The following KLHDC1 variants were observed in gnomAD, a reference collection of about 807,000 sequenced individuals.
KLHDC1 encodes the protein kelch domain containing 1.
Under a neutral mutation model 68.3 loss-of-function variants are expected in KLHDC1, and 53 were observed. That is an observed-to-expected ratio of 0.78 (90% confidence interval 0.62 to 0.98). The LOEUF (loss-of-function observed/expected upper bound fraction) is 0.98, where lower values mean the gene tolerates loss of function less well. Among genes scored for constraint, KLHDC1 ranks in the 50% least tolerant of loss-of-function variants. The probability of loss-of-function intolerance (pLI) is 0.00; values close to 1 mark genes in which losing one functional copy is unlikely to be tolerated. For missense variants in KLHDC1, 470 were observed against 492.3 expected, an observed-to-expected ratio of 0.95 and a Z score of 0.43; for synonymous variants, 148 against 159.0, an observed-to-expected ratio of 0.93 and a Z score of 0.52.
chr14:49,713,823 TATATATATATATATATA>T (rs1566602817), intron 4 of KLHDC1, among the ~76,000 whole-genome samples: 118 of 3,794 alleles, frequency 0.031, 7 homozygotes, highest in African/African-American at 0.047. Context: ...TATATATATA[TATATATATATATATATA>T]TATATATATA....
intron 10 of KLHDC1, among the ~76,000 whole-genome samples, chr14:49,739,081 G>A (rs1889000910): frequency 6.6e-6 from 1 of 152,202 alleles, no homozygotes; most frequent in Non-Finnish European, 1.5e-5. Context: ...AACATTAAAG[G>A]GTGCTGAATA....
chr14:49,734,093 T>C (rs1217342485), intron 9 of KLHDC1, among the ~76,000 whole-genome samples: 7 of 152,236 alleles, frequency 4.6e-5, no homozygotes, highest in African/African-American at 1.7e-4. Context: ...TTTTCTGTTT[T>C]TGGTCATTGA....
chr14:49,739,555 G>T (rs1889010037), intron 10 of KLHDC1, among the ~76,000 whole-genome samples: 1 of 152,210 alleles, frequency 6.6e-6, no homozygotes, highest in Non-Finnish European at 1.5e-5. Context: ...AATTGGATTT[G>T]TTGGGTGATG....
chr14:49,716,584 A>G (rs1011057660), intron 4 of KLHDC1, among the ~76,000 whole-genome samples: 5 of 152,056 alleles, frequency 3.3e-5, no homozygotes, highest in South Asian at 4.2e-4. Flanking sequence ...GGGTTTCACC[A>G]TGTTGGCCAG....
At chr14:49,735,045 A>G (rs577035679) in intron 10 of KLHDC1, among the ~76,000 whole-genome samples, 2 of 152,218 alleles carry the variant, frequency 1.3e-5, no homozygotes, top group African/African-American at 4.8e-5. Context: ...GAAGAGGTTT[A>G]AAGCAAGTTA....
chr14:49,711,110 A>G (rs953903204), intron 4 of KLHDC1, among the ~76,000 whole-genome samples: 7 of 152,208 alleles, frequency 4.6e-5, no homozygotes, highest in Non-Finnish European at 1.0e-4. Context: ...CTCTGGCCTC[A>G]GCCTCCTGAG....
At chr14:49,729,150 AT>A in intron 7 of KLHDC1, 141 bp downstream of exon 7, 4 of 635,138 alleles carry the variant, frequency 6.3e-6, no homozygotes, top group Non-Finnish European at 1.1e-5. Flanking sequence ...TTATCTTCTA[AT>A]TCATAAACAG....
intron 1 of KLHDC1, chr14:49,708,791 C>G (rs1388263569): frequency 6.5e-6 from 1 of 154,698 alleles, no homozygotes; most frequent in Non-Finnish European, 1.4e-5. Context: ...AATGTATTGT[C>G]CTTTTTTTTA....
At chr14:49,708,649 C>T (rs1264206004) in intron 1 of KLHDC1, 1 of 152,472 alleles carries the variant, frequency 6.6e-6, no homozygotes, top group African/African-American at 2.4e-5. Flanking sequence ...TAATGAACAA[C>T]TAATACTATG....
intron 11 of KLHDC1, among the ~76,000 whole-genome samples, chr14:49,742,396 G>A (rs946697745): frequency 1.3e-5 from 2 of 151,514 alleles, no homozygotes; most frequent in Non-Finnish European, 2.9e-5. Context: ...AGGGCTGGGC[G>A]TGGTGGCTCA....
At chr14:49,709,308 C>A (rs1334593759) in intron 2 of KLHDC1, 79 bp downstream of exon 2, 3 of 654,002 alleles carry the variant, frequency 4.6e-6, no homozygotes, top group Non-Finnish European at 7.9e-6. Context: ...GAATTTGAGA[C>A]CATACTTTGA....
intron 1 of KLHDC1, among the ~76,000 whole-genome samples, chr14:49,706,480 C>T (rs1888053591): frequency 6.6e-6 from 1 of 152,184 alleles, no homozygotes; most frequent in Non-Finnish European, 1.5e-5. Flanking sequence ...GATTTCCTTT[C>T]TTTCGCATAT....
At chr14:49,703,636 C>A (rs542516580) in intron 1 of KLHDC1, among the ~76,000 whole-genome samples, 17 of 152,308 alleles carry the variant, frequency 1.1e-4, no homozygotes, top group Non-Finnish European at 2.2e-4. Flanking sequence ...AGCTCAGCCT[C>A]TTCCATGAAT....
At chr14:49,698,220 CT>C (rs1443101855) in intron 1 of KLHDC1, among the ~76,000 whole-genome samples, 1 of 152,150 alleles carries the variant, frequency 6.6e-6, no homozygotes, top group African/African-American at 2.4e-5. Context: ...TATTTTTCCC[CT>C]GAGACGGAGT....
chr14:49,747,028 G>C (rs1290027765), intron 12 of KLHDC1, among the ~76,000 whole-genome samples: 1 of 149,514 alleles, frequency 6.7e-6, no homozygotes, highest in Non-Finnish European at 1.5e-5. Flanking sequence ...CTCACTGCAA[G>C]CTCCACCTCC....
Position 49,734,647 on chromosome 14 carries a change from T to C in KLHDC1, c.882T>C (p.Pro294=). The C allele has an allele frequency of 6.3e-7, 1 of 1,586,918 alleles. No individual in the cohort carries two copies. Among genetic ancestry groups the C allele is most frequent in the Admixed American group, 1.7e-5 (1 of 58,412 alleles). Residue 294 remains proline (P), a synonymous_variant, in exon 10 of 13, where the codon CCT becomes CCC. Transcript: ENST00000359332. ...GTTGGAAACAACTTACACATTTACC[T>C]AAAACAAGACCTAGGTAAGTCAAGA... The part of the protein sequence containing the change: ...TNCWKQLTHL[P]KTRPRLWHTA...
intron 12 of KLHDC1, among the ~76,000 whole-genome samples, chr14:49,749,571 G>A (rs1889277860): frequency 1.3e-5 from 2 of 151,556 alleles, no homozygotes; most frequent in African/African-American, 4.9e-5. Flanking sequence ...CCAGCTACTC[G>A]GGAGGATGAG....
In KLHDC1 at chr14:49,707,742, C is replaced by T. The variant is rs186751482; in HGVS notation, c.97-1417C>T. The T allele has an allele frequency of 3.0e-3, 448 of 150,608 alleles. 2 individuals are homozygous for T. Among genetic ancestry groups the T allele is most frequent in the Non-Finnish European group, 5.3e-3 (361 of 67,894 alleles). 9.3% of individuals were successfully genotyped at this position (150,608 alleles called of 1,614,324 possible). ...CATAGCTCACTACAGCCTCGAACTCCTGAGCTCCAGTGATCCTCCCACCTC... is the reference window on the plus strand; with the variant it reads ...CATAGCTCACTACAGCCTCGAACTCTTGAGCTCCAGTGATCCTCCCACCTC... On this transcript the variant is annotated intron_variant, in intron 1 of 12. Transcript: ENST00000359332.
At chr14:49,723,200 A>G (rs992233619) in intron 4 of KLHDC1, among the ~76,000 whole-genome samples, 6 of 150,136 alleles carry the variant, frequency 4.0e-5, no homozygotes, top group Non-Finnish European at 8.9e-5. Context: ...ATTACCTCCC[A>G]TTGGGTCCCT....
Sources: gnomAD v4.1 joint callset for allele counts (sites outside exome capture counted in the v4.1 genomes callset) on GRCh38, gnomAD v4.1.1 for gene constraint, MANE v1.5 for transcripts, NCBI Gene and HGNC (gene_info 2026-07-23, HGNC 2026-07-21) for gene names.